Variants in PRRT4 observed in about 807,000 individuals in gnomAD.
The protein encoded by PRRT4 is proline-rich transmembrane protein 4.
A neutral mutation model predicts 55.6 loss-of-function variants in PRRT4; 59 were observed. That is an observed-to-expected ratio of 1.06 (90% confidence interval 0.86 to 1.32). PRRT4 has a LOEUF of 1.32. PRRT4 is among the 40% of genes most tolerant of loss of function. PRRT4 has a pLI of 0.00. For synonymous variants in PRRT4, 606 were observed against 601.8 expected, an observed-to-expected ratio of 1.01 and a Z score of -0.10; for missense variants, 1,217 against 1,222.0, an observed-to-expected ratio of 1.00 and a Z score of 0.06.
exon 5 of PRRT4, chr7:128,351,790 G>A (rs1421668758): frequency 1.4e-6 from 2 of 1,423,422 alleles, no homozygotes; most frequent in Admixed American, 3.1e-5. Flanking sequence ...TTCCAGGCCG[G>A]ATTGGCCGCC....
At chr7:128,351,167 C>T (rs867388733) in exon 5 of PRRT4, 54 of 1,544,986 alleles carry the variant, frequency 3.5e-5, no homozygotes, top group Non-Finnish European at 4.2e-5. Flanking sequence ...CTGCTGCCTG[C>T]GGGCCAAGCC....
chr7:128,357,307 G>T (rs907176723), intron 4 of PRRT4, among the ~76,000 whole-genome samples: 11 of 151,662 alleles, frequency 7.3e-5, no homozygotes, highest in Non-Finnish European at 1.5e-5. Context: ...CTCTCCAGGA[G>T]GCCTATAGCT....
chr7:128,350,800 G>C (rs946912920), downstream of PRRT4: 15 of 1,537,484 alleles, frequency 9.8e-6, no homozygotes, highest in East Asian at 2.7e-4. Context: ...TGCAGGTCTC[G>C]GGCAGGGCAG....
At chr7:128,351,196 G>C in exon 5 of PRRT4, 2 of 1,541,988 alleles carry the variant, frequency 1.3e-6, no homozygotes, top group Non-Finnish European at 1.7e-6. Flanking sequence ...GGGGAGCTCC[G>C]GGGGCGCAGC....
chr7:128,352,127 G>T lies in PRRT4; in HGVS notation c.1429C>A (p.Leu477Met), dbSNP rs1027131678. The change falls in exon 5 of 5, where the codon CTG becomes ATG. Residue 477 changes from leucine (L) to methionine (M), a missense_variant. Transcript: ENST00000535159. ...CTCCCGAGGGCGGCGGCGGCCGCCA[G>T]CCCCAGCCCCAGGAGCAGCAGCGCA... 20 of 1,214,158 alleles carry T rather than the reference G, an allele frequency of 1.6e-5. No homozygotes were observed. The highest frequency in any genetic ancestry group is 3.2e-4 in the Middle Eastern group (1 of 3,096). The allele number at this position is 1,214,158 out of a possible 1,614,324, so 75.2% of individuals were successfully genotyped here.
At chr7:128,359,463 C>T in exon 2 of PRRT4, 3 of 1,462,592 alleles carry the variant, frequency 2.1e-6, no homozygotes, top group Non-Finnish European at 2.7e-6. Flanking sequence ...AACTTCAGCT[C>T]CAGCTCGCTC....
chr7:128,354,657 C>T (rs1441441011), intron 4 of PRRT4, among the ~76,000 whole-genome samples: 1 of 151,698 alleles, frequency 6.6e-6, no homozygotes, highest in Non-Finnish European at 1.5e-5. Context: ...CATAAGAGTT[C>T]TGAGAACAAG....
intron 4 of PRRT4, among the ~76,000 whole-genome samples, chr7:128,357,340 C>T (rs1386105472): frequency 6.6e-6 from 1 of 151,938 alleles, no homozygotes; most frequent in East Asian, 1.9e-4. Context: ...TTTAGAGGTG[C>T]AGTATCAGGG....
At chr7:128,357,548 T>C (rs1168302615) in intron 4 of PRRT4, among the ~76,000 whole-genome samples, 1 of 152,148 alleles carries the variant, frequency 6.6e-6, no homozygotes, top group Non-Finnish European at 1.5e-5. Flanking sequence ...ATCCTGCCCC[T>C]GCTGCACGCT....
At chr7:128,355,722 A>C (rs1468046643) in intron 4 of PRRT4, among the ~76,000 whole-genome samples, 1 of 152,116 alleles carries the variant, frequency 6.6e-6, no homozygotes, top group Non-Finnish European at 1.5e-5. Flanking sequence ...GGTTTGCTCC[A>C]TCTCTCTTTG....
chr7:128,352,013 C>T, exon 5 of PRRT4: 1 of 1,314,666 alleles, frequency 7.6e-7, no homozygotes, highest in Non-Finnish European at 9.7e-7. Flanking sequence ...CAGGAGAGCG[C>T]CAGCAGCAGC....
intron 4 of PRRT4, among the ~76,000 whole-genome samples, chr7:128,357,044 T>C (rs1797125156): frequency 6.6e-6 from 1 of 152,282 alleles, no homozygotes; most frequent in South Asian, 2.1e-4. Flanking sequence ...CTGATTAACT[T>C]GATAACTGTT....
chr7:128,361,097 TC>T, intron 1 of PRRT4, among the ~76,000 whole-genome samples: 1 of 136,302 alleles, frequency 7.3e-6, no homozygotes, highest in Non-Finnish European at 1.6e-5. Flanking sequence ...TCTCTCTCTC[TC>T]TCTCTCACAC....
chr7:128,359,093 CAGCGCTTGGCACGT>C (rs1415876649), intron 3 of PRRT4, 42 bp downstream of exon 4: 2 of 1,510,924 alleles, frequency 1.3e-6, no homozygotes, highest in African/African-American at 2.8e-5. Context: ...GCTCCTAGCA[CAGCGCTTGGCACGT>C]AGAGTGTTCC....
Position 128,358,536 on chromosome 7 carries a change from T to C in PRRT4, c.877+145A>G, listed in dbSNP as rs1254003320. The stretch of plus-strand genomic sequence containing the variant: ...AATACTTTCTCTCAGACCATTCATA[T>C]ATATCTCCACGGTGATGATGAAGAG... On this transcript the variant is annotated intron_variant, in intron 4 of 4. Transcript: ENST00000535159. The surrounding 1 kb of genome is among the most constrained non-coding windows in gnomAD (Gnocchi z 4.4). 1 of 768,636 alleles carries C rather than the reference T, an allele frequency of 1.3e-6. No homozygotes were observed. Among genetic ancestry groups the C allele is most frequent in the Admixed American group, 2.3e-5 (1 of 42,570 alleles). The allele number at this position is 768,636 out of a possible 1,614,324, so 47.6% of individuals were successfully genotyped here.
intron 1 of PRRT4, among the ~76,000 whole-genome samples, chr7:128,361,063 C>G (rs918046407): frequency 6.7e-6 from 1 of 148,878 alleles, no homozygotes; most frequent in Non-Finnish European, 1.5e-5. Flanking sequence ...TCTGTGAGCC[C>G]CCGGCCTCCC....
chr7:128,356,859 G>A (rs530424691), intron 4 of PRRT4, among the ~76,000 whole-genome samples: 133 of 152,324 alleles, frequency 8.7e-4, no homozygotes, highest in South Asian at 3.3e-3. Flanking sequence ...CCACCTCCAG[G>A]TTCATGGAGG....
chr7:128,361,685 G>C lies in PRRT4; in HGVS notation c.-197C>G, dbSNP rs1298374014. The C allele has an allele frequency of 2.0e-5, 3 of 152,514 alleles. No individual in the cohort carries two copies. The Admixed American group carries it at 2.0e-4, about 10-fold the overall frequency. 9.4% of individuals were successfully genotyped at this position (152,514 alleles called of 1,614,324 possible). On this transcript the variant is annotated 5_prime_UTR_variant, in exon 1 of 5. Transcript: ENST00000535159. ...CCCGCGCCGGGGCTCCGCGGCAGCC[G>C]GCTCTGACGGCCCTCCCGTCCGCCC...
chr7:128,354,512 A>G (rs949504705), intron 4 of PRRT4, among the ~76,000 whole-genome samples: 4 of 152,124 alleles, frequency 2.6e-5, no homozygotes, highest in African/African-American at 9.7e-5. Flanking sequence ...TGCAGTAAGC[A>G]GAGATCGCGC....
Sources: gnomAD v4.1 joint callset for allele counts (sites outside exome capture counted in the v4.1 genomes callset) on GRCh38, gnomAD v4.1.1 for gene constraint, Gnocchi (gnomAD v3.1) non-coding constraint, MANE v1.5 for transcripts, NCBI Gene and HGNC (gene_info 2026-07-23, HGNC 2026-07-21) for gene names.